FAM167A: variants seen among roughly 807,000 people sequenced by gnomAD.
The protein encoded by FAM167A is family with sequence similarity 167 member A, also known as protein FAM167A.
A neutral mutation model predicts 14.9 loss-of-function variants in FAM167A; 23 were observed. The observed-to-expected ratio is 1.55, with a 90% CI of 1.11 to 2.19. The LOEUF is 2.19. FAM167A is among the 30% of genes most tolerant of loss of function. The pLI is 0.00. For missense variants in FAM167A, 401 were observed against 281.5 expected (o/e 1.42, Z -3.04); for synonymous variants, 174 against 117.7 (o/e 1.48, Z -3.10).
At chr8:11,469,898 A>T (rs903372845), upstream of FAM167A, among the ~76,000 whole-genome samples, 1 of 112,556 alleles carries the variant, frequency 8.9e-6, no homozygotes, top group Non-Finnish European at 2.2e-5. Context: ...ATAAATAAAT[A>T]AATAAATAAA....
chr8:11,455,584 G>A (rs1034807534), intron 1 of FAM167A, among the ~76,000 whole-genome samples: 9 of 147,396 alleles, frequency 6.1e-5, no homozygotes, highest in Non-Finnish European at 1.2e-4. Flanking sequence ...GAGTTTGAGT[G>A]TGGGATGGTT....
intron 1 of FAM167A, among the ~76,000 whole-genome samples, chr8:11,445,885 T>C (rs556688043): frequency 2.9e-4 from 44 of 151,952 alleles, no homozygotes; most frequent in African/African-American, 9.9e-4. Context: ...TATGGAATGA[T>C]GTTTGAGATA....
chr8:11,459,197 A>C (rs1807445057), intron 1 of FAM167A, among the ~76,000 whole-genome samples: 1 of 152,214 alleles, frequency 6.6e-6, no homozygotes, highest in Admixed American at 6.5e-5. Flanking sequence ...TTAGCCCTTG[A>C]AATGACCCTG....
rs188826821 is a variant in FAM167A at position 11,449,880 on chromosome 8, G to C, written c.-397-5072C>G. ...GTGGGGGCAGCTCAGCCAACACCTT[G>C]TCTCATTATGACCTAATCTGTTCAC... On this transcript the variant is annotated intron_variant, in intron 1 of 2. Coordinates refer to ENST00000284486, the MANE Select transcript of FAM167A (RefSeq NM_053279.3). Among the ~76,000 whole-genome samples, 6 of 152,310 alleles carry C rather than the reference G, an allele frequency of 3.9e-5. No individual in the cohort carries two copies. The East Asian group carries it at 1.2e-3, about 29-fold the overall frequency.
intron 1 of FAM167A, among the ~76,000 whole-genome samples, chr8:11,472,667 G>A (rs73535720): frequency 0.014 from 2,070 of 152,264 alleles, 56 homozygotes; most frequent in African/African-American, 0.046. Context: ...CTCACCCAGT[G>A]AGCCTGGCTA....
intron 1 of FAM167A, among the ~76,000 whole-genome samples, chr8:11,466,093 G>T (rs1807754089): frequency 6.6e-6 from 1 of 152,164 alleles, no homozygotes; most frequent in Non-Finnish European, 1.5e-5. Context: ...CTCATTCCCG[G>T]GGGCCCCTGC....
chr8:11,423,686 G>A lies in FAM167A; in HGVS notation c.*687C>T, dbSNP rs1289016333. 2 of 152,616 alleles carry A rather than the reference G, an allele frequency of 1.3e-5. No individual in the cohort carries two copies. Among genetic ancestry groups the A allele is most frequent in the Admixed American group, 6.5e-5 (1 of 15,306 alleles). 9.5% of individuals were successfully genotyped at this position (152,616 alleles called of 1,614,324 possible). On this transcript the variant is annotated 3_prime_UTR_variant, in exon 3 of 3. Coordinates refer to ENST00000284486, the MANE Select transcript of FAM167A (RefSeq NM_053279.3). ...CAGGGGAGACAATGGGGACATCTGT[G>A]CTTGTTGCACCCAAGCTACGCTAGT...
At chr8:11,428,179 C>T (rs926271658) in intron 2 of FAM167A, among the ~76,000 whole-genome samples, 9 of 152,114 alleles carry the variant, frequency 5.9e-5, no homozygotes, top group Admixed American at 2.0e-4. Flanking sequence ...CCTTTGAAGT[C>T]GGGGAATTTG....
chr8:11,424,518 G>A lies in FAM167A; in HGVS notation c.500C>T (p.Ala167Val). The change falls in exon 3 of 3, where the codon GCC (alanine) becomes GTC (valine). Residue 167 changes from alanine (A) to valine (V), a missense_variant. Coordinates refer to ENST00000284486, the MANE Select transcript of FAM167A (RefSeq NM_053279.3). ...ATCCCGCTCCTCCAGCTCGTAGGTG[G>A]CATCGTTGAGCATCCTCCTGTGGAG... Reference protein sequence around the residue: ...CRLHRRMLNDATYELEERDEL... With the variant: ...CRLHRRMLNDVTYELEERDEL... The A allele has an allele frequency of 6.2e-7, 1 of 1,614,196 alleles. No homozygotes were observed. Among genetic ancestry groups the A allele is most frequent in the Non-Finnish European group, 8.5e-7 (1 of 1,180,022 alleles).
At chr8:11,442,863 G>A (rs1423702617) in intron 2 of FAM167A, among the ~76,000 whole-genome samples, 6 of 152,298 alleles carry the variant, frequency 3.9e-5, no homozygotes, top group South Asian at 2.1e-4. Context: ...GTGTTAAAAC[G>A]CAAACAGGCT....
intron 1 of FAM167A, among the ~76,000 whole-genome samples, chr8:11,447,051 G>A (rs1806814987): frequency 6.6e-6 from 1 of 152,224 alleles, no homozygotes; most frequent in Non-Finnish European, 1.5e-5. Flanking sequence ...CCCACCAGCA[G>A]GCTCCCACTG....
At chr8:11,460,457 T>C (rs1203960104) in intron 1 of FAM167A, among the ~76,000 whole-genome samples, 1 of 152,128 alleles carries the variant, frequency 6.6e-6, no homozygotes, top group East Asian at 1.9e-4. Flanking sequence ...CACCATGTCA[T>C]GGAGCCACCC....
chr8:11,424,502 C>T lies in FAM167A; in HGVS notation c.516G>A (p.Glu172=), dbSNP rs1272512604. The T allele has an allele frequency of 3.1e-6, 5 of 1,614,136 alleles. No individual in the cohort carries two copies. The highest frequency in any genetic ancestry group is 1.3e-5 in the African/African-American group (1 of 75,048). ...AGAGGTCGGCCAGCTCATCCCGCTC[C>T]TCCAGCTCGTAGGTGGCATCGTTGA... ...RMLNDATYEL[E]ERDELADLFC... is the part of the protein sequence containing the mutation. Residue 172 remains glutamate, a synonymous_variant, in exon 3 of 3, where the codon GAG becomes GAA. Coordinates refer to ENST00000284486, the MANE Select transcript of FAM167A (RefSeq NM_053279.3).
intron 1 of FAM167A, among the ~76,000 whole-genome samples, chr8:11,463,776 A>G (rs949891994): frequency 9.2e-5 from 14 of 152,204 alleles, no homozygotes; most frequent in African/African-American, 3.4e-4. Flanking sequence ...GGAGAAGGTG[A>G]ACCCTCATCC....
chr8:11,444,878 C>A, intron 1 of FAM167A, 70 bp from the exon 2 acceptor site: 1 of 979,666 alleles, frequency 1.0e-6, no homozygotes, highest in Non-Finnish European at 1.2e-6. Flanking sequence ...CACGTCCACT[C>A]CACAGGAGGG....
At chr8:11,436,127 C>A (rs1201866851) in intron 2 of FAM167A, among the ~76,000 whole-genome samples, 1 of 152,254 alleles carries the variant, frequency 6.6e-6, no homozygotes, top group African/African-American at 2.4e-5. Context: ...CGTCACCAAG[C>A]ATGGTCCGGG....
chr8:11,444,350 G>A lies in FAM167A; in HGVS notation c.62C>T (p.Ala21Val). 6.2e-7 allele frequency: 1 copy of A among 1,602,604 alleles called. No individual in the cohort carries two copies. Reference sequence around the variant, plus strand: ...GCTCCGGAGGTGGTCATCGGGTGGTGCGGCTGCTCCCGCCCCCTCTTCTGC... The same window carrying A: ...GCTCCGGAGGTGGTCATCGGGTGGTACGGCTGCTCCCGCCCCCTCTTCTGC... ...VGAEEGAGAA[A>V]PPDDHLRSLK... The change falls in exon 2 of 3, where the codon GCA becomes GTA. Residue 21 changes from alanine (A) to valine (V), a missense_variant. Coordinates refer to ENST00000284486, the MANE Select transcript of FAM167A (RefSeq NM_053279.3).
chr8:11,435,135 T>C (rs991295739), intron 2 of FAM167A: 1 of 456,536 alleles, frequency 2.2e-6, no homozygotes, highest in African/African-American at 2.0e-5. Flanking sequence ...CCTTGACCTC[T>C]CCAGCCTCCT....
At chr8:11,454,662 A>G (rs1346027650) in intron 1 of FAM167A, among the ~76,000 whole-genome samples, 1 of 152,196 alleles carries the variant, frequency 6.6e-6, no homozygotes, top group Non-Finnish European at 1.5e-5. Flanking sequence ...GAAAAGGCAA[A>G]TCCCTTTGTT....
Sources: allele counts gnomAD v4.1 joint callset (sites outside exome capture counted in the v4.1 genomes callset), GRCh38; gene constraint gnomAD v4.1.1; transcripts MANE v1.5; gene names NCBI Gene and HGNC (gene_info 2026-07-23, HGNC 2026-07-21).